The following IL1RN variants were observed in gnomAD, a reference collection of about 807,000 sequenced individuals.
IL1RN encodes the protein interleukin 1 receptor antagonist, also known as interleukin-1 receptor antagonist protein.
A neutral mutation model predicts 13.7 loss-of-function variants in IL1RN; 10 were observed. The observed-to-expected ratio is 0.73, with a 90% CI of 0.45 to 1.24. The LOEUF is 1.24. Ranked by LOEUF, IL1RN falls within the 50% of genes most tolerant of loss-of-function variation. IL1RN has a pLI of 0.00. For missense variants in IL1RN, 213 were observed against 222.1 expected (o/e 0.96, Z 0.26); for synonymous variants, 102 against 82.7 (o/e 1.23, Z -1.27).
upstream of IL1RN, among the ~76,000 whole-genome samples, chr2:113,106,364 T>C (rs1057432871): frequency 2.6e-5 from 4 of 152,220 alleles, no homozygotes; most frequent in African/African-American, 4.8e-5. Context: ...CTTTTTAAGA[T>C]TATAAATTAT....
upstream of IL1RN, among the ~76,000 whole-genome samples, chr2:113,103,674 G>C (rs1241290385): frequency 3.3e-5 from 5 of 152,196 alleles, no homozygotes; most frequent in Non-Finnish European, 2.9e-5. Flanking sequence ...AAAGTTTATG[G>C]TAATTTGTTA....
upstream of IL1RN, among the ~76,000 whole-genome samples, chr2:113,115,080 C>T (rs45549940): frequency 3.3e-3 from 498 of 152,264 alleles, 1 homozygote; most frequent in African/African-American, 0.011. Context: ...TGTCTATGAC[C>T]GTAAACAACT....
At chr2:113,120,611 C>A (rs1020148558) in intron 2 of IL1RN, among the ~76,000 whole-genome samples, 1 of 152,136 alleles carries the variant, frequency 6.6e-6, no homozygotes, top group African/African-American at 2.4e-5. Flanking sequence ...AAGTCCTGGA[C>A]AAACCAAGGT....
intron 2 of IL1RN, chr2:113,130,055 C>T (rs1191905239): frequency 7.7e-6 from 2 of 259,320 alleles, no homozygotes; most frequent in Non-Finnish European, 1.6e-5. Flanking sequence ...AGCTATGTCT[C>T]TTATTCCTGG....
At chr2:113,129,308 C>T (rs999165223) in intron 1 of IL1RN, among the ~76,000 whole-genome samples, 3 of 152,132 alleles carry the variant, frequency 2.0e-5, no homozygotes, top group Non-Finnish European at 2.9e-5. Flanking sequence ...AACAGAAGTG[C>T]CTTCCCTGGG....
chr2:113,108,233 C>CT (rs1239981652), upstream of IL1RN, among the ~76,000 whole-genome samples: 75 of 147,062 alleles, frequency 5.1e-4, 1 homozygote, highest in Middle Eastern at 3.4e-3. Flanking sequence ...CTTCTCTTAT[C>CT]TTTTTTTTTT....
intron 3 of IL1RN, among the ~76,000 whole-genome samples, chr2:113,132,355 G>A (rs1476884951): frequency 6.6e-6 from 1 of 152,248 alleles, no homozygotes; most frequent in Non-Finnish European, 1.5e-5. Flanking sequence ...GGCTGAGGCA[G>A]GAGAATCGCT....
upstream of IL1RN, among the ~76,000 whole-genome samples, chr2:113,124,025 A>T (rs11575826): frequency 5.3e-3 from 811 of 152,290 alleles, 8 homozygotes; most frequent in Non-Finnish European, 7.1e-3. Context: ...TAAGACATGG[A>T]CAGCCTGGTT....
the IL1RN span, among the ~76,000 whole-genome samples, chr2:113,101,725 G>A: frequency 6.6e-6 from 1 of 152,182 alleles, no homozygotes. Context: ...CAGTAGCATA[G>A]AAGGCAGATT....
chr2:113,133,180 T>C lies in IL1RN; in HGVS notation c.*309T>C, dbSNP rs540483913. ...ACCACCTGCCCAACCTGCTCTCCTC[T>C]TGCCACTGCCTCTTCCTCCCTCATT... On this transcript the variant is annotated 3_prime_UTR_variant, in exon 4 of 4. Transcript: ENST00000409930. 14 of 449,070 alleles carry C rather than the reference T, an allele frequency of 3.1e-5. No homozygotes were observed. The highest frequency in any genetic ancestry group is 2.5e-4 in the South Asian group (12 of 48,328). 27.8% of individuals were successfully genotyped at this position (449,070 alleles called of 1,614,324 possible). A position where few individuals can be genotyped will look rare whatever the true frequency, so the allele number is the denominator to read the frequency against.
upstream of IL1RN, chr2:113,117,845 G>A (rs548364261): frequency 7.8e-5 from 55 of 703,344 alleles, 1 homozygote; most frequent in South Asian, 8.6e-4. Context: ...GTGTGTGGGA[G>A]GGGAGGCTGG....
At chr2:113,117,601 G>A (rs56389726), upstream of IL1RN, 12 of 259,480 alleles carry the variant, frequency 4.6e-5, no homozygotes, top group East Asian at 5.5e-4. Context: ...ACAGGATTAA[G>A]CCAACACATA....
intron 3 of IL1RN, 86 bp downstream of exon 3, chr2:113,131,243 AC>A: frequency 1.2e-6 from 1 of 825,968 alleles, no homozygotes; most frequent in Non-Finnish European, 2.1e-6. Flanking sequence ...CTGTGGGTTG[AC>A]CAGGATTAGC....
upstream of IL1RN, among the ~76,000 whole-genome samples, chr2:113,124,443 C>A (rs1686887166): frequency 6.6e-6 from 1 of 152,066 alleles, no homozygotes; most frequent in African/African-American, 2.4e-5. Flanking sequence ...TTGACAGCCC[C>A]CCCCCTTTGG....
chr2:113,120,321 A>G (rs55941815), intron 2 of IL1RN, among the ~76,000 whole-genome samples: 3 of 152,082 alleles, frequency 2.0e-5, no homozygotes, highest in South Asian at 2.1e-4. Flanking sequence ...AGGTTTTTGA[A>G]TACTCCTGTG....
upstream of IL1RN, among the ~76,000 whole-genome samples, chr2:113,105,147 G>T (rs1431872052): frequency 6.6e-6 from 1 of 152,174 alleles, no homozygotes; most frequent in Non-Finnish European, 1.5e-5. Context: ...AGCGCATTGT[G>T]GGTAGAGGGA....
At chr2:113,111,565 T>G (rs1178420894) in intron 1 of IL1RN, among the ~76,000 whole-genome samples, 1 of 152,246 alleles carries the variant, frequency 6.6e-6, no homozygotes, top group Non-Finnish European at 1.5e-5. Flanking sequence ...AGAGGTCACA[T>G]TCTTTCCCCA....
In IL1RN at chr2:113,131,058, G is replaced by A. The variant is rs767496834; in HGVS notation, c.219G>A (p.Val73=). ...GTTCTTCCCCAGAAAAGATAGATGT[G>A]GTACCCATTGAGCCTCATGCTCTGT... The part of the protein sequence containing the change: ...PNVNLEEKID[V]VPIEPHALFL... Residue 73 remains valine, a synonymous_variant, in exon 3 of 4, where the codon GTG becomes GTA. Coordinates refer to ENST00000409930, the MANE Select transcript of IL1RN (RefSeq NM_173842.3). 1.2e-5 allele frequency: 19 copies of A among 1,607,970 alleles called. No homozygotes were observed. The East Asian group carries it at 2.0e-4, about 17-fold the overall frequency.
At chr2:113,124,046 T>C (rs1315193700), upstream of IL1RN, among the ~76,000 whole-genome samples, 6 of 152,188 alleles carry the variant, frequency 3.9e-5, no homozygotes, top group South Asian at 8.3e-4. Context: ...TCCCTATCTC[T>C]CTGCTTCATC....
Sources: allele counts gnomAD v4.1 joint callset (sites outside exome capture counted in the v4.1 genomes callset), GRCh38; gene constraint gnomAD v4.1.1; transcripts MANE v1.5; gene names NCBI Gene and HGNC (gene_info 2026-07-23, HGNC 2026-07-21).